The following BCAT1 variants were observed in gnomAD, a reference collection of about 807,000 sequenced individuals.
BCAT1 encodes the protein branched-chain-amino-acid aminotransferase, cytosolic.
Under a neutral mutation model 52.4 loss-of-function variants are expected in BCAT1, and 48 were observed. That is an observed-to-expected ratio of 0.92 (90% CI 0.73 to 1.16). The LOEUF is 1.16. BCAT1 is among the 50% of genes most tolerant of loss of function. The pLI is 0.00. For synonymous variants in BCAT1, 167 were observed against 161.3 expected, an observed-to-expected ratio of 1.04 and a Z score of -0.27; for missense variants, 451 against 457.1, an observed-to-expected ratio of 0.99 and a Z score of 0.12.
At chr12:24,928,987 CTGACCTCAGA>C (rs1185718029) in intron 1 of BCAT1, among the ~76,000 whole-genome samples, 1 of 152,062 alleles carries the variant, frequency 6.6e-6, no homozygotes, top group Non-Finnish European at 1.5e-5. Flanking sequence ...CCTCGAACTC[CTGACCTCAGA>C]TGATCTGCCC....
chr12:24,901,971 C>T (rs1014685157), intron 1 of BCAT1, 86 bp from the exon 2 acceptor site: 1 of 1,609,730 alleles, frequency 6.2e-7, no homozygotes, highest in Non-Finnish European at 8.5e-7. Context: ...ACCATGATAC[C>T]GTGCGCTCCT....
intron 2 of BCAT1, among the ~76,000 whole-genome samples, chr12:24,896,813 G>C (rs1942970778): frequency 6.6e-6 from 1 of 152,116 alleles, no homozygotes; most frequent in African/African-American, 2.4e-5. Context: ...GGACTATTTA[G>C]ACAAGAAGTC....
rs192571980 is a variant in BCAT1, at chr12:24,912,591, G to A, written c.7-10706C>T. On this transcript the variant is annotated intron_variant, in intron 1 of 10. Coordinates refer to ENST00000261192, the MANE Select transcript of BCAT1 (RefSeq NM_005504.7). ...CCCAAAGGAGAAAATGGGGCCGGGC[G>A]TGATGGCTTATGTCTGTAATCACAG... is the stretch of plus-strand genomic sequence containing the variant. 5.3e-5 allele frequency among the ~76,000 whole-genome samples: 8 copies of A among 151,846 alleles called. No homozygotes were observed. The South Asian group carries it at 1.0e-3, about 20-fold the overall frequency.
At chr12:24,934,999 C>G (rs1003115030) in intron 1 of BCAT1, among the ~76,000 whole-genome samples, 1 of 152,202 alleles carries the variant, frequency 6.6e-6, no homozygotes, top group Non-Finnish European at 1.5e-5. Flanking sequence ...TTCTTCTTCT[C>G]TCTCTCTCTA....
At chr12:24,912,391 G>A (rs1943341400) in intron 1 of BCAT1, among the ~76,000 whole-genome samples, 1 of 152,050 alleles carries the variant, frequency 6.6e-6, no homozygotes, top group African/African-American at 2.4e-5. Context: ...GTAGTGGTGG[G>A]CACCTGTAGT....
chr12:24,858,580 GC>G (rs1941760505), intron 5 of BCAT1, among the ~76,000 whole-genome samples: 1 of 152,162 alleles, frequency 6.6e-6, no homozygotes, highest in South Asian at 2.1e-4. Context: ...ATGCCCCCTA[GC>G]TATGCTGGAA....
chr12:24,943,975 C>T (rs893099605), intron 1 of BCAT1, among the ~76,000 whole-genome samples: 1 of 151,204 alleles, frequency 6.6e-6, no homozygotes, highest in African/African-American at 2.4e-5. Context: ...CAGAGCAAGA[C>T]TCCGTCTCAA....
At chr12:24,915,800 G>A (rs573586292) in intron 1 of BCAT1, among the ~76,000 whole-genome samples, 1 of 152,200 alleles carries the variant, frequency 6.6e-6, no homozygotes, top group African/African-American at 2.4e-5. Flanking sequence ...ATTTTCTACA[G>A]GGATGGCTCT....
At chr12:24,871,415 G>C (rs1359308701) in intron 5 of BCAT1, among the ~76,000 whole-genome samples, 1 of 152,172 alleles carries the variant, frequency 6.6e-6, no homozygotes, top group Non-Finnish European at 1.5e-5. Flanking sequence ...TAGTAGACTG[G>C]ATAGAAATGG....
chr12:24,891,654 G>A (rs1015476807), intron 3 of BCAT1, among the ~76,000 whole-genome samples: 9 of 152,040 alleles, frequency 5.9e-5, no homozygotes, highest in African/African-American at 2.2e-4. Context: ...ACAGTAATTT[G>A]AGAGTTTTTT....
chr12:24,888,827 A>G (rs1395804361), intron 3 of BCAT1, among the ~76,000 whole-genome samples: 1 of 152,200 alleles, frequency 6.6e-6, no homozygotes, highest in Admixed American at 6.5e-5. Flanking sequence ...TCTAAAGAAG[A>G]GCAGCCTGTA....
At chr12:24,925,936 G>T (rs369117313) in intron 1 of BCAT1, among the ~76,000 whole-genome samples, 2 of 152,154 alleles carry the variant, frequency 1.3e-5, no homozygotes, top group African/African-American at 4.8e-5. Flanking sequence ...ATCTCGGCTC[G>T]CTACAACCTC....
At chr12:24,820,806 T>C (rs914388546) in intron 10 of BCAT1, among the ~76,000 whole-genome samples, 2 of 135,280 alleles carry the variant, frequency 1.5e-5, no homozygotes, top group African/African-American at 5.6e-5. Context: ...TCGAGGTACA[T>C]AAGGCAGATA....
At chr12:24,849,218 T>A (rs1941428303) in intron 6 of BCAT1, among the ~76,000 whole-genome samples, 1 of 152,260 alleles carries the variant, frequency 6.6e-6, no homozygotes, top group Admixed American at 6.5e-5. Flanking sequence ...CTCTTTTATT[T>A]CCTGCCAGCT....
rs550333348 is a variant in BCAT1 at position 24,882,747 on chromosome 12, C to T, written c.280-1336G>A. ...CAGAGTAGCTGGGACTACAGGCGCG[C>T]ACCACCACGCCCAAGTTAATTTTTT... On this transcript the variant is annotated intron_variant, in intron 3 of 10. Transcript: ENST00000261192. Among the ~76,000 whole-genome samples, 5 of 151,924 alleles carry T rather than the reference C, an allele frequency of 3.3e-5. No individual in the cohort carries two copies. In the South Asian group the frequency reaches 8.3e-4, roughly 25 times the overall value.
rs1474103339 is a variant in BCAT1 at position 24,907,354 on chromosome 12, T to C, written c.7-5469A>G. Among the ~76,000 whole-genome samples, 3 of 152,252 alleles carry C rather than the reference T, an allele frequency of 2.0e-5. No individual in the cohort carries two copies. In the East Asian group the frequency reaches 5.8e-4, roughly 29 times the overall value. The stretch of plus-strand genomic sequence containing the variant: ...AATGGTAATATTTTATTCTAATCAT[T>C]TGATTAATGCTCTTCTAATTTTATG... On this transcript the variant is annotated intron_variant, in intron 1 of 10. Coordinates refer to ENST00000261192, the MANE Select transcript of BCAT1 (RefSeq NM_005504.7).
chr12:24,888,434 A>T (rs1306886577), intron 3 of BCAT1, among the ~76,000 whole-genome samples: 1 of 152,142 alleles, frequency 6.6e-6, no homozygotes, highest in African/African-American at 2.4e-5. Context: ...AGGAGGTGGA[A>T]GTTGCAGTGA....
At chr12:24,880,562 CA>C (rs1195240697) in intron 4 of BCAT1, among the ~76,000 whole-genome samples, 1 of 152,148 alleles carries the variant, frequency 6.6e-6, no homozygotes, top group Non-Finnish European at 1.5e-5. Flanking sequence ...CTTTTTATCT[CA>C]AAACATTACT....
chr12:24,848,636 A>G (rs1941413238), intron 6 of BCAT1, among the ~76,000 whole-genome samples: 1 of 152,202 alleles, frequency 6.6e-6, no homozygotes, highest in Non-Finnish European at 1.5e-5. Flanking sequence ...TGGTATATAT[A>G]TGGTATGCAG....
Sources: gnomAD v4.1 joint callset for allele counts (sites outside exome capture counted in the v4.1 genomes callset) on GRCh38, gnomAD v4.1.1 for gene constraint, MANE v1.5 for transcripts, NCBI Gene and HGNC (gene_info 2026-07-23, HGNC 2026-07-21) for gene names.